Variants in ICE2 observed in about 807,000 individuals in gnomAD.
ICE2 encodes little elongation complex subunit 2.
Under a neutral mutation model 105.4 loss-of-function variants are expected in ICE2, and 87 were observed. That is an observed-to-expected ratio of 0.83 (90% CI 0.69 to 0.99). The LOEUF (loss-of-function observed/expected upper bound fraction) is 0.99. Among genes scored for constraint, ICE2 ranks in the 50% least tolerant of loss-of-function variants. The pLI, the probability that ICE2 is intolerant of heterozygous loss-of-function variation, is 0.00. For missense variants in ICE2, 1,323 were observed against 1,146.7 expected (o/e 1.15, Z -2.22); for synonymous variants, 399 against 392.0 (o/e 1.02, Z -0.21).
intron 12 of ICE2, chr15:60,437,753 G>T (rs1215345239): frequency 6.6e-6 from 1 of 152,004 alleles, no homozygotes; most frequent in Non-Finnish European, 1.5e-5. Context: ...CGGGGTTCAA[G>T]CTATTCTTGT....
At chr15:60,445,992 G>A (rs1005112091) in intron 11 of ICE2, among the ~76,000 whole-genome samples, 1 of 152,150 alleles carries the variant, frequency 6.6e-6, no homozygotes, top group East Asian at 1.9e-4. Flanking sequence ...GATGAGGCAG[G>A]AAAAATTAGC....
intron 1 of ICE2, 142 bp downstream of exon 1, chr15:60,478,861 G>C: frequency 2.3e-6 from 1 of 431,540 alleles, no homozygotes; most frequent in East Asian, 7.4e-5. Context: ...GCAAAGCAGG[G>C]GTAGGAGCCG....
chr15:60,445,778 C>G, intron 11 of ICE2: 1 of 985,332 alleles, frequency 1.0e-6, no homozygotes, highest in Middle Eastern at 5.2e-4. Flanking sequence ...TCAACAATTT[C>G]TAAGTGCTGT....
At chr15:60,432,339 C>T (rs1487574513) in intron 13 of ICE2, among the ~76,000 whole-genome samples, 1 of 151,782 alleles carries the variant, frequency 6.6e-6, no homozygotes, top group East Asian at 2.0e-4. Context: ...AGGCATGCGC[C>T]ACCACACCAG....
Position 60,468,145 on chromosome 15 carries a change from A to C in ICE2, c.324T>G (p.Tyr108Ter), listed in dbSNP as rs749864398. The C allele has an allele frequency of 1.2e-6, 2 of 1,614,130 alleles. No individual in the cohort carries two copies. Among genetic ancestry groups the C allele is most frequent in the East Asian group, 4.5e-5 (2 of 44,858 alleles). Residue 108 changes from tyrosine to a stop codon, truncating the protein, a stop_gained, in exon 4 of 16, where the codon TAT (tyrosine) becomes TAG (stop). Coordinates refer to ENST00000261520, the MANE Select transcript of ICE2 (RefSeq NM_024611.6). LOFTEE classifies it high-confidence loss of function. ...SRFSQREQRS[Y>*]VDLLVKYAKI... ...TTGCGTATTTAACCAACAAGTCCAC[A>C]TAACTCCTCTGCTCTCTCTGTGAGA...
intron 3 of ICE2, among the ~76,000 whole-genome samples, chr15:60,475,806 T>G (rs1188578675): frequency 6.6e-6 from 1 of 152,120 alleles, no homozygotes; most frequent in African/African-American, 2.4e-5. Context: ...TTCCATAGTA[T>G]TATACTATAT....
In ICE2 at chr15:60,448,958, T is replaced by C; in HGVS notation, c.2009A>G (p.Asn670Ser). Residue 670 changes from asparagine to serine, a missense_variant, in exon 10 of 16, where the codon AAT (asparagine) becomes AGT (serine). Coordinates refer to ENST00000261520, the MANE Select transcript of ICE2 (RefSeq NM_024611.6). ...AGAAGGCTGTTTAGAATTTTCTAAA[T>C]TCATTAAGGGCAATTCTGGTACTTT... Reference protein sequence around the residue: ...SRKVPELPLMNLENSKQPSVS... With the variant: ...SRKVPELPLMSLENSKQPSVS... The C allele has an allele frequency of 1.2e-6, 2 of 1,614,074 alleles. No individual in the cohort carries two copies. The highest frequency in any genetic ancestry group is 1.7e-6 in the Non-Finnish European group (2 of 1,179,944).
intron 9 of ICE2, chr15:60,452,164 A>C: frequency 1.0e-6 from 1 of 971,996 alleles, no homozygotes; most frequent in Non-Finnish European, 1.2e-6. Flanking sequence ...AAAATGTGTA[A>C]GAAGAAAACA....
chr15:60,476,797 G>A (rs1047943792), intron 2 of ICE2, among the ~76,000 whole-genome samples: 3 of 152,150 alleles, frequency 2.0e-5, no homozygotes, highest in African/African-American at 7.2e-5. Context: ...TTAAAAACTT[G>A]AAAACACTGA....
At chr15:60,451,188 A>G (rs1422419085) in intron 9 of ICE2, 1 of 671,946 alleles carries the variant, frequency 1.5e-6, no homozygotes, top group East Asian at 1.3e-4. Context: ...ACTGTCTCTA[A>G]GTAAAAAATA....
chr15:60,423,234 C>G lies in ICE2; in HGVS notation c.*400G>C. On this transcript the variant is annotated 3_prime_UTR_variant, in exon 16 of 16. Transcript: ENST00000261520. ...TTGCGATGCTCATAATCATCTTCAG[C>G]AGTGGCAACATTTAACTTTTTGAGT... is the stretch of plus-strand genomic sequence containing the variant. 6.5e-6 allele frequency: 1 copy of G among 154,810 alleles called. No individual in the cohort carries two copies. Among genetic ancestry groups the G allele is most frequent in the East Asian group, 1.9e-4 (1 of 5,236 alleles). 9.6% of individuals were successfully genotyped at this position (154,810 alleles called of 1,614,324 possible). A position where few individuals can be genotyped will look rare whatever the true frequency, so the allele number is the denominator to read the frequency against.
chr15:60,449,880 C>T, intron 9 of ICE2, 39 bp from the exon 10 acceptor site: 1 of 1,462,934 alleles, frequency 6.8e-7, no homozygotes, highest in South Asian at 1.3e-5. Context: ...GTAAAAATTT[C>T]AAGCCACCCT....
chr15:60,423,732 G>A lies in ICE2; in HGVS notation c.2851C>T (p.His951Tyr), dbSNP rs1362861468. Residue 951 changes from histidine (H) to tyrosine (Y), a missense_variant, in exon 16 of 16, where the codon CAC becomes TAC. Physicochemically the swap from His to Tyr is moderately conservative, Grantham distance 83 (BLOSUM62 2). Transcript: ENST00000261520. ...IGGTRMPTRS[H>Y]RNPVSMETKS... is the part of the protein sequence containing the mutation. Reference sequence around the variant, plus strand: ...GTTTCCATGGAAACTGGATTCCTGTGGCTGCGTGTAGGCATTCTCGTTCCA... The same window carrying A: ...GTTTCCATGGAAACTGGATTCCTGTAGCTGCGTGTAGGCATTCTCGTTCCA... 3 of 1,602,278 alleles carry A rather than the reference G, an allele frequency of 1.9e-6. No individual in the cohort carries two copies. Among genetic ancestry groups the A allele is most frequent in the African/African-American group, 2.7e-5 (2 of 73,932 alleles).
intron 13 of ICE2, among the ~76,000 whole-genome samples, chr15:60,434,744 A>C (rs1237976332): frequency 6.6e-6 from 1 of 152,228 alleles, no homozygotes; most frequent in Non-Finnish European, 1.5e-5. Flanking sequence ...AATAGCGGTT[A>C]CAAGAGGCTG....
intron 4 of ICE2, among the ~76,000 whole-genome samples, chr15:60,467,014 A>G (rs1595814329): frequency 6.6e-6 from 1 of 152,160 alleles, no homozygotes; most frequent in Non-Finnish European, 1.5e-5. Context: ...TTGAGACAGA[A>G]TCTCGCTTTG....
At chr15:60,463,560 G>A (rs2064337228) in intron 5 of ICE2, among the ~76,000 whole-genome samples, 1 of 152,190 alleles carries the variant, frequency 6.6e-6, no homozygotes, top group Non-Finnish European at 1.5e-5. Flanking sequence ...ATCGCCTGAG[G>A]TCAGGAGTTC....
At chr15:60,454,324 A>G (rs1212940546) in intron 8 of ICE2, among the ~76,000 whole-genome samples, 4 of 152,222 alleles carry the variant, frequency 2.6e-5, no homozygotes, top group African/African-American at 9.6e-5. Context: ...GTATAGACTT[A>G]CTGTTATTCC....
At position 60,479,106 on chromosome 15, in the gene ICE2, A is replaced by G. The variant is rs946805639; in HGVS notation, c.-196T>C. 4.6e-6 allele frequency: 2 copies of G among 433,054 alleles called. No homozygotes were observed. Among genetic ancestry groups the G allele is most frequent in the African/African-American group, 2.0e-5 (1 of 49,574 alleles). The allele number at this position is 433,054 out of a possible 1,614,324, so 26.8% of individuals were successfully genotyped here. ...CGCGCCCAAAAAAGACCATATTTAAAGGATGTGGCCGCGCCGACTCGGCCC... is the reference window on the plus strand; with the variant it reads ...CGCGCCCAAAAAAGACCATATTTAAGGGATGTGGCCGCGCCGACTCGGCCC... On this transcript the variant is annotated 5_prime_UTR_variant, in exon 1 of 16. Transcript: ENST00000261520.
At position 60,449,836 on chromosome 15, in the gene ICE2, G is replaced by A; in HGVS notation, c.1131C>T (p.Ser377=). The change falls in exon 10 of 16, where the codon TCC becomes TCT. Residue 377 remains serine, a synonymous_variant. Coordinates refer to ENST00000261520, the MANE Select transcript of ICE2 (RefSeq NM_024611.6). ...TTTTTCGGCACTCGTTGACTTCACA[G>A]GACATCTTATGTAAATAAATTGGTA... The part of the protein sequence containing the change: ...PEEFISEMDM[S]CEVNECRKIE... 6.2e-7 allele frequency: 1 copy of A among 1,608,160 alleles called. No individual in the cohort carries two copies. Among genetic ancestry groups the A allele is most frequent in the Non-Finnish European group, 8.5e-7 (1 of 1,177,660 alleles).
Sources: gnomAD v4.1 joint callset for allele counts (sites outside exome capture counted in the v4.1 genomes callset) on GRCh38, gnomAD v4.1.1 for gene constraint, MANE v1.5 for transcripts, NCBI Gene and HGNC (gene_info 2026-07-23, HGNC 2026-07-21) for gene names.